Variants in ITGBL1 observed in about 807,000 individuals in gnomAD.
ITGBL1 encodes the protein integrin beta-like protein 1.
In ITGBL1, 51 loss-of-function variants were observed where a neutral mutation model predicts 68.5. That is an observed-to-expected ratio of 0.74 (90% CI 0.59 to 0.94). ITGBL1 has a LOEUF of 0.94. Among genes scored for constraint, ITGBL1 ranks in the 40% least tolerant of loss-of-function variants. The pLI is 0.00. For synonymous variants in ITGBL1, 209 were observed against 227.3 expected (o/e 0.92, Z 0.72); for missense variants, 649 against 647.4 (o/e 1.00, Z -0.03).
chr13:101,610,118 C>T (rs1283699528), intron 7 of ITGBL1, among the ~76,000 whole-genome samples: 1 of 152,054 alleles, frequency 6.6e-6, no homozygotes, highest in Non-Finnish European at 1.5e-5. Context: ...AATTTTGTTA[C>T]TATGATTATA....
intron 7 of ITGBL1, among the ~76,000 whole-genome samples, chr13:101,604,887 T>TATATATACATACACAC: frequency 4.5e-5 from 1 of 22,166 alleles, no homozygotes; most frequent in African/African-American, 1.5e-4. Flanking sequence ...TATATATATA[T>TATATATACATACACAC]ACACACACAC....
At chr13:101,693,605 C>T (rs527727923) in intron 8 of ITGBL1, among the ~76,000 whole-genome samples, 53 of 139,246 alleles carry the variant, frequency 3.8e-4, no homozygotes, top group Admixed American at 3.4e-3. Flanking sequence ...CACCATCCAT[C>T]CATCCTATCT....
At chr13:101,581,443 C>A (rs1013281809) in intron 5 of ITGBL1, among the ~76,000 whole-genome samples, 1 of 152,088 alleles carries the variant, frequency 6.6e-6, no homozygotes, top group African/African-American at 2.4e-5. Context: ...GGTACATGAG[C>A]TTTCAGTCCG....
At chr13:101,514,486 C>A (rs557041441) in intron 2 of ITGBL1, among the ~76,000 whole-genome samples, 1 of 151,908 alleles carries the variant, frequency 6.6e-6, no homozygotes, top group Non-Finnish European at 1.5e-5. Context: ...GTTTTAGGAG[C>A]TAATTTATTT....
intron 2 of ITGBL1, among the ~76,000 whole-genome samples, chr13:101,492,395 T>C (rs1435339606): frequency 1.3e-5 from 2 of 152,250 alleles, no homozygotes; most frequent in Non-Finnish European, 2.9e-5. Context: ...ATGAAATGAA[T>C]GTGGTTGCTT....
chr13:101,511,970 G>C (rs2049122452), intron 2 of ITGBL1, among the ~76,000 whole-genome samples: 1 of 152,136 alleles, frequency 6.6e-6, no homozygotes, highest in Admixed American at 6.6e-5. Flanking sequence ...CCTTCTCTCA[G>C]ACATACCAAA....
At chr13:101,667,853 T>A (rs2033260011) in intron 7 of ITGBL1, among the ~76,000 whole-genome samples, 1 of 152,048 alleles carries the variant, frequency 6.6e-6, no homozygotes, top group Non-Finnish European at 1.5e-5. Flanking sequence ...AAGGAATTCT[T>A]TTCAAGTTGG....
intron 7 of ITGBL1, among the ~76,000 whole-genome samples, chr13:101,613,015 A>G (rs577295880): frequency 6.6e-6 from 1 of 152,282 alleles, no homozygotes; most frequent in Admixed American, 6.5e-5. Context: ...ACACCCTCAT[A>G]GAGCTGATGT....
intron 3 of ITGBL1, 57 bp downstream of exon 3, chr13:101,567,902 T>A (rs1028575859): frequency 7.3e-7 from 1 of 1,378,494 alleles, no homozygotes; most frequent in South Asian, 1.3e-5. Context: ...TTGTTTTTAA[T>A]GGAAATATGT....
chr13:101,706,630 T>C (rs922063700), intron 8 of ITGBL1, 126 bp from the exon 9 acceptor site: 1 of 880,668 alleles, frequency 1.1e-6, no homozygotes, highest in Non-Finnish European at 1.7e-6. Context: ...AAATTGACTA[T>C]GCATAAAGAA....
chr13:101,696,664 G>A (rs915387303), intron 8 of ITGBL1, among the ~76,000 whole-genome samples: 1 of 152,022 alleles, frequency 6.6e-6, no homozygotes, highest in Non-Finnish European at 1.5e-5. Context: ...CACCTGCATC[G>A]TAGTGTGATG....
intron 2 of ITGBL1, among the ~76,000 whole-genome samples, chr13:101,539,842 AATGTCTTCTTTTG>A (rs2049657175): frequency 6.6e-6 from 1 of 152,026 alleles, no homozygotes; most frequent in Non-Finnish European, 1.5e-5. Flanking sequence ...TGGCTGCATA[AATGTCTTCTTTTG>A]AGAAGTGTCT....
chr13:101,474,251 G>A (rs2048503649), intron 2 of ITGBL1, among the ~76,000 whole-genome samples: 1 of 152,060 alleles, frequency 6.6e-6, no homozygotes, highest in Admixed American at 6.5e-5. Context: ...AGGCCTGGTA[G>A]CATTCACCAC....
intron 7 of ITGBL1, among the ~76,000 whole-genome samples, chr13:101,660,149 G>T (rs2033044967): frequency 6.6e-6 from 1 of 152,156 alleles, no homozygotes; most frequent in Admixed American, 6.5e-5. Context: ...TTGCAGTAAA[G>T]AAATAGTTTA....
chr13:101,487,976 T>G (rs1003808000), intron 2 of ITGBL1, among the ~76,000 whole-genome samples: 7 of 152,158 alleles, frequency 4.6e-5, no homozygotes, highest in African/African-American at 1.7e-4. Flanking sequence ...GCAGGGAGGT[T>G]GAGGCTGAGG....
chr13:101,547,295 A>C (rs2049842725), intron 2 of ITGBL1, among the ~76,000 whole-genome samples: 1 of 151,914 alleles, frequency 6.6e-6, no homozygotes, highest in Admixed American at 6.6e-5. Context: ...TGAACATATT[A>C]AGCTCACTTA....
At chr13:101,541,675 A>G (rs2049705843) in intron 2 of ITGBL1, among the ~76,000 whole-genome samples, 1 of 152,090 alleles carries the variant, frequency 6.6e-6, no homozygotes, top group Non-Finnish European at 1.5e-5. Flanking sequence ...CTGTGAATCC[A>G]TCTGGTCCTG....
downstream of ITGBL1, chr13:101,716,776 A>C (rs2034740617): frequency 8.5e-6 from 1 of 116,976 alleles, no homozygotes; most frequent in African/African-American, 3.3e-5. Context: ...CCAATCTCAG[A>C]AGCTCACAAA....
chr13:101,683,213 C>G (rs1264989342), intron 7 of ITGBL1, among the ~76,000 whole-genome samples: 1 of 151,976 alleles, frequency 6.6e-6, no homozygotes, highest in African/African-American at 2.4e-5. Context: ...AAAAAGATAA[C>G]CTTTATTCTC....
Sources: gnomAD v4.1 joint callset for allele counts (sites outside exome capture counted in the v4.1 genomes callset) on GRCh38, gnomAD v4.1.1 for gene constraint, MANE v1.5 for transcripts, NCBI Gene and HGNC (gene_info 2026-07-23, HGNC 2026-07-21) for gene names.